Variants in ST8SIA2 observed in about 807,000 individuals in gnomAD.
ST8SIA2 encodes the protein ST8 alpha-N-acetyl-neuraminide alpha-2,8-sialyltransferase 2.
A neutral mutation model predicts 37.6 loss-of-function variants in ST8SIA2; 22 were observed. The ratio of observed to expected loss-of-function variants is 0.58; its 90% CI spans 0.42 to 0.83. ST8SIA2 has a LOEUF of 0.83. ST8SIA2 is among the 40% of genes least tolerant of loss of function. The pLI is 0.00. For missense variants in ST8SIA2, 382 were observed against 484.7 expected (o/e 0.79, Z 1.99); for synonymous variants, 205 against 201.2 (o/e 1.02, Z -0.16).
chr15:92,419,546 C>T (rs1481610513), intron 1 of ST8SIA2, among the ~76,000 whole-genome samples: 2 of 152,064 alleles, frequency 1.3e-5, no homozygotes, highest in East Asian at 1.9e-4. Context: ...GTGCTGAAGC[C>T]GAACGCATAG....
intron 5 of ST8SIA2, among the ~76,000 whole-genome samples, chr15:92,456,453 G>A (rs1193553618): frequency 2.0e-5 from 3 of 152,200 alleles, no homozygotes; most frequent in Admixed American, 1.3e-4. Context: ...ACAGAAGCAG[G>A]AAGTCAGTAC....
intron 1 of ST8SIA2, among the ~76,000 whole-genome samples, chr15:92,412,164 C>T (rs982550846): frequency 1.3e-5 from 2 of 151,624 alleles, no homozygotes; most frequent in African/African-American, 4.8e-5. Flanking sequence ...CTGGCCTTGC[C>T]GGAGGTGTGA....
rs1485013605 is a variant in ST8SIA2 at position 92,393,956 on chromosome 15, G to A, written c.-109G>A. On this transcript the variant is annotated 5_prime_UTR_variant, in exon 1 of 6. Coordinates refer to ENST00000268164, the MANE Select transcript of ST8SIA2 (RefSeq NM_006011.4). ...CCCGGACTCGTCCGGAGCGCAGGGT[G>A]TCTGCCCAGCTGCGCGCGGCGCGCG... The A allele has an allele frequency of 5.0e-6, 3 of 596,640 alleles. No individual in the cohort carries two copies. Among genetic ancestry groups the A allele is most frequent in the Non-Finnish European group, 7.4e-6 (3 of 404,910 alleles). 37.0% of individuals were successfully genotyped at this position (596,640 alleles called of 1,614,324 possible).
At chr15:92,431,623 A>C (rs566928055) in intron 2 of ST8SIA2, among the ~76,000 whole-genome samples, 3 of 152,132 alleles carry the variant, frequency 2.0e-5, no homozygotes, top group African/African-American at 7.2e-5. Flanking sequence ...GAAATGGGGG[A>C]GGGGACTGGA....
At chr15:92,415,411 C>G (rs1007409980) in intron 1 of ST8SIA2, among the ~76,000 whole-genome samples, 1 of 151,900 alleles carries the variant, frequency 6.6e-6, no homozygotes, top group African/African-American at 2.4e-5. Flanking sequence ...GAGAAAGTGA[C>G]ATGAGCTGAA....
At chr15:92,396,569 C>T (rs1166814069) in intron 1 of ST8SIA2, among the ~76,000 whole-genome samples, 3 of 151,874 alleles carry the variant, frequency 2.0e-5, no homozygotes, top group Non-Finnish European at 4.4e-5. Context: ...TCTCGGCTCA[C>T]TGCAACCTCC....
chr15:92,434,227 T>C lies in ST8SIA2; in HGVS notation c.162-20T>C. On this transcript the variant is annotated intron_variant, in intron 2 of 5. Transcript: ENST00000268164. ...GCTAACACATCATGTCTACCCTCTT[T>C]CTTTTTTTTTCCCTTCCAGAGCTGA... is the stretch of plus-strand genomic sequence containing the variant. 1 of 1,613,798 alleles carries C rather than the reference T, an allele frequency of 6.2e-7. No homozygotes were observed. The highest frequency in any genetic ancestry group is 8.5e-7 in the Non-Finnish European group (1 of 1,179,950).
At chr15:92,461,064 C>G (rs1258133918) in intron 5 of ST8SIA2, among the ~76,000 whole-genome samples, 2 of 152,166 alleles carry the variant, frequency 1.3e-5, no homozygotes, top group Non-Finnish European at 2.9e-5. Context: ...ATGGGCCTTT[C>G]AAACGAGACA....
rs148028530 is a variant in ST8SIA2, at chr15:92,437,536, T to C, written c.291-817T>C. Among the ~76,000 whole-genome samples the C allele has an allele frequency of 2.4e-3, 365 of 152,218 alleles. 3 individuals are homozygous for C. Among genetic ancestry groups the C allele is most frequent in the African/African-American group, 8.1e-3 (338 of 41,530 alleles). ...AACAATGCAAAGGAGCCCTTCTCCGTGGAACTGGGAGGGGTCCATGTTTAC... is the reference window on the plus strand; with the variant it reads ...AACAATGCAAAGGAGCCCTTCTCCGCGGAACTGGGAGGGGTCCATGTTTAC... On this transcript the variant is annotated intron_variant, in intron 3 of 5. Coordinates refer to ENST00000268164, the MANE Select transcript of ST8SIA2 (RefSeq NM_006011.4).
At chr15:92,408,862 T>G (rs552512533) in intron 1 of ST8SIA2, among the ~76,000 whole-genome samples, 4 of 152,002 alleles carry the variant, frequency 2.6e-5, no homozygotes, top group Admixed American at 2.6e-4. Context: ...TGCGCCACCA[T>G]GCCCGGCTAA....
intron 2 of ST8SIA2, among the ~76,000 whole-genome samples, chr15:92,433,385 A>C (rs2049730892): frequency 6.6e-6 from 1 of 152,228 alleles, no homozygotes. Context: ...AAGGCGGCTA[A>C]CTCTTACACT....
At chr15:92,441,997 G>A (rs2141837157) in intron 4 of ST8SIA2, among the ~76,000 whole-genome samples, 1 of 152,296 alleles carries the variant, frequency 6.6e-6, no homozygotes, top group East Asian at 1.9e-4. Flanking sequence ...CTCCTCTCCT[G>A]CCCGGAGCCA....
intron 5 of ST8SIA2, among the ~76,000 whole-genome samples, chr15:92,458,279 G>A (rs1000541754): frequency 2.0e-5 from 3 of 152,164 alleles, no homozygotes; most frequent in Non-Finnish European, 2.9e-5. Flanking sequence ...GTTCTCCAAG[G>A]CAGGGGAAGA....
At chr15:92,463,887 T>C (rs1034003648) in intron 5 of ST8SIA2, among the ~76,000 whole-genome samples, 30 of 152,178 alleles carry the variant, frequency 2.0e-4, no homozygotes, top group Admixed American at 1.4e-3. Context: ...TTTCATAAAC[T>C]CGTGTCTGTG....
intron 3 of ST8SIA2, 94 bp from the exon 4 acceptor site, chr15:92,438,259 C>G (rs2049773893): frequency 1.3e-6 from 2 of 1,577,122 alleles, no homozygotes; most frequent in Middle Eastern, 1.7e-4. Context: ...GGGCTGCAGC[C>G]ACCGTGCAGG....
rs8037777 is a variant in ST8SIA2, at chr15:92,432,768, G to A, written c.162-1479G>A. Reference sequence around the variant, plus strand: ...GAAGGAGTCAGAAATATTGAGGAATGGAGGTGGGTGCATGAAGGGAATGTG... The same window carrying A: ...GAAGGAGTCAGAAATATTGAGGAATAGAGGTGGGTGCATGAAGGGAATGTG... On this transcript the variant is annotated intron_variant, in intron 2 of 5. Transcript: ENST00000268164. 4.2e-3 allele frequency among the ~76,000 whole-genome samples: 647 copies of A among 152,338 alleles called. 10 individuals are homozygous for A. The highest frequency in any genetic ancestry group is 0.015 in the African/African-American group (618 of 41,574).
intron 1 of ST8SIA2, among the ~76,000 whole-genome samples, chr15:92,404,954 G>A (rs915932878): frequency 2.0e-5 from 3 of 151,974 alleles, no homozygotes; most frequent in African/African-American, 7.2e-5. Flanking sequence ...GTCAATGAGT[G>A]AATGGATAAA....
In ST8SIA2 at chr15:92,434,333, C is replaced by T. The variant is rs747123977; in HGVS notation, c.248C>T (p.Ser83Leu). 3.7e-6 allele frequency: 6 copies of T among 1,614,200 alleles called. No individual in the cohort carries two copies. Among genetic ancestry groups the T allele is most frequent in the Non-Finnish European group, 5.1e-6 (6 of 1,180,036 alleles). ...ATCAAGCACAACATCCAGCCAGCCT[C>T]GTCCAAATGGAGACATAACCAGACG... ...ESIKHNIQPA[S>L]SKWRHNQTLS... The change falls in exon 3 of 6, where the codon TCG becomes TTG. Residue 83 changes from serine to leucine, a missense_variant. Transcript: ENST00000268164.
chr15:92,422,925 G>A (rs1473487227), intron 1 of ST8SIA2, among the ~76,000 whole-genome samples: 3 of 152,186 alleles, frequency 2.0e-5, no homozygotes, highest in Admixed American at 2.0e-4. Context: ...TCATCTCTGT[G>A]ATGTTCTGCC....
Sources: allele counts gnomAD v4.1 joint callset (sites outside exome capture counted in the v4.1 genomes callset), GRCh38; gene constraint gnomAD v4.1.1; transcripts MANE v1.5; gene names NCBI Gene and HGNC (gene_info 2026-07-23, HGNC 2026-07-21).